SYNPO: variants seen among roughly 807,000 people sequenced by gnomAD.
The protein encoded by SYNPO is synaptopodin.
Under a neutral mutation model 49.5 loss-of-function variants are expected in SYNPO, and 19 were observed. That is an observed-to-expected ratio of 0.38 (90% CI 0.27 to 0.56). The LOEUF (loss-of-function observed/expected upper bound fraction) is 0.56. Among genes scored for constraint, SYNPO ranks in the 20% least tolerant of loss-of-function variants. The probability of loss-of-function intolerance (pLI) is 0.68; values close to 1 mark genes in which losing one functional copy is unlikely to be tolerated. For missense variants in SYNPO, 1,131 were observed against 1,248.3 expected, an observed-to-expected ratio of 0.91 and a Z score of 1.42; for synonymous variants, 536 against 548.0, an observed-to-expected ratio of 0.98 and a Z score of 0.31.
At chr5:150,617,115 A>C (rs985719601) in intron 1 of SYNPO, among the ~76,000 whole-genome samples, 2 of 152,088 alleles carry the variant, frequency 1.3e-5, no homozygotes, top group African/African-American at 4.8e-5. Context: ...CTCTGCGTGC[A>C]TTTTTTCATG....
In SYNPO at chr5:150,657,370, TCC is replaced by T; in HGVS notation, c.*286_*287del. On this transcript the variant is annotated 3_prime_UTR_variant, in exon 3 of 3. Transcript: ENST00000307662. Reference sequence around the variant, plus strand: ...CAAGGCAATCCACAAACGTCAAAATTCCCCTTCCCATCAGTACACACACCGAT... The same window carrying T: ...CAAGGCAATCCACAAACGTCAAAATTCCTTCCCATCAGTACACACACCGAT... The T allele has an allele frequency of 2.1e-6, 1 of 466,010 alleles. No individual in the cohort carries two copies. The highest frequency in any genetic ancestry group is 3.9e-6 in the Non-Finnish European group (1 of 256,706). 28.9% of individuals were successfully genotyped at this position (466,010 alleles called of 1,614,324 possible). A position where few individuals can be genotyped will look rare whatever the true frequency, so the allele number is the denominator to read the frequency against.
At chr5:150,625,183 C>T (rs998993528) in intron 2 of SYNPO, among the ~76,000 whole-genome samples, 3 of 152,188 alleles carry the variant, frequency 2.0e-5, no homozygotes, top group Admixed American at 2.0e-4. Flanking sequence ...TGCGTGGGGG[C>T]TCCAGCCCTT....
At chr5:150,609,895 AT>A in intron 1 of SYNPO, among the ~76,000 whole-genome samples, 1 of 151,250 alleles carries the variant, frequency 6.6e-6, no homozygotes, top group East Asian at 2.0e-4. Context: ...CTGAGCCCCC[AT>A]TTTCTGGTGT....
intron 1 of SYNPO, among the ~76,000 whole-genome samples, chr5:150,612,453 C>T (rs2151355121): frequency 6.6e-6 from 1 of 152,352 alleles, no homozygotes; most frequent in Non-Finnish European, 1.5e-5. Context: ...TCCTCTCTTT[C>T]ATTCGTTCAT....
rs1758659824 is a variant in SYNPO at position 150,658,833 on chromosome 5, C to T, written c.*1746C>T. The T allele has an allele frequency of 6.6e-6, 1 of 151,928 alleles. No homozygotes were observed. Among genetic ancestry groups the T allele is most frequent in the Non-Finnish European group, 1.5e-5 (1 of 68,036 alleles). The allele number at this position is 151,928 out of a possible 1,614,324, so 9.4% of individuals were successfully genotyped here. A position where few individuals can be genotyped will look rare whatever the true frequency, so the allele number is the denominator to read the frequency against. On this transcript the variant is annotated 3_prime_UTR_variant, in exon 3 of 3. Transcript: ENST00000307662. ...GAGGGCTCCTTGGGCCTCAGGAATG[C>T]TCCTGCTGCTGTGAAGATGAGAAGG...
intron 1 of SYNPO, among the ~76,000 whole-genome samples, chr5:150,605,376 T>C (rs1756662782): frequency 6.6e-6 from 1 of 152,082 alleles, no homozygotes; most frequent in Non-Finnish European, 1.5e-5. Flanking sequence ...GCAGGGATGG[T>C]ATGATGGTTC....
chr5:150,623,293 C>T (rs1757238519), intron 2 of SYNPO, among the ~76,000 whole-genome samples: 1 of 152,232 alleles, frequency 6.6e-6, no homozygotes. Context: ...CCCACTGTCA[C>T]ACACCTACGT....
chr5:150,624,677 TCA>T (rs1306534879), intron 2 of SYNPO: 4 of 242,098 alleles, frequency 1.7e-5, no homozygotes, highest in Non-Finnish European at 2.6e-5. Flanking sequence ...GGAGCACGGC[TCA>T]CCCGCCCGCC....
At chr5:150,626,720 G>A (rs1333508095) in intron 2 of SYNPO, among the ~76,000 whole-genome samples, 2 of 152,194 alleles carry the variant, frequency 1.3e-5, no homozygotes, top group East Asian at 1.9e-4. Context: ...AGGTTCTTCC[G>A]TGGCATTTTA....
At chr5:150,588,793 T>C in the SYNPO span, among the ~76,000 whole-genome samples, 2 of 152,090 alleles carry the variant, frequency 1.3e-5, no homozygotes, top group Admixed American at 1.3e-4. Flanking sequence ...TTTAAAGGTG[T>C]TCACACTTTT....
At chr5:150,609,629 C>A (rs1423343925) in intron 1 of SYNPO, among the ~76,000 whole-genome samples, 2 of 152,202 alleles carry the variant, frequency 1.3e-5, no homozygotes, top group East Asian at 1.9e-4. Flanking sequence ...GTCCTTGAAC[C>A]CTTTCTGCAA....
chr5:150,618,566 G>C lies in SYNPO; in HGVS notation c.199G>C (p.Asp67His), dbSNP rs6579797. Residue 67 changes from aspartate (D) to histidine (H), a missense_variant, in exon 2 of 3, where the codon GAC becomes CAC. Physicochemically the swap from Asp to His is moderately conservative, Grantham distance 81. Transcript: ENST00000394243. The stretch of plus-strand genomic sequence containing the variant: ...TGAGGGGGTCAGCAGGAGTGGGGAC[G>C]ACTCTGCCTGCAGAGTCACCCAGGG... The C allele has an allele frequency of 9.9e-5, 153 of 1,550,418 alleles. 1 individual carries two copies. The African/African-American group carries it at 1.9e-3, about 19-fold the overall frequency.
chr5:150,596,224 G>A (rs1377002403), upstream of SYNPO, among the ~76,000 whole-genome samples: 2 of 152,100 alleles, frequency 1.3e-5, no homozygotes, highest in African/African-American at 4.8e-5. Flanking sequence ...TCCTGGGGGA[G>A]GGGGTCACCC....
chr5:150,648,677 C>A lies in SYNPO; in HGVS notation c.402C>A (p.Pro134=), dbSNP rs1366357614. 6.2e-7 allele frequency: 1 copy of A among 1,614,220 alleles called. No homozygotes were observed. The highest frequency in any genetic ancestry group is 1.7e-5 in the Admixed American group (1 of 60,026). The change falls in exon 2 of 3, where the codon CCC becomes CCA. Residue 134 remains proline (P), a synonymous_variant. Coordinates refer to ENST00000307662, the MANE Select transcript of SYNPO (RefSeq NM_007286.6). This position sits in a 1 kb window ranked among gnomAD's most constrained non-coding sequence, Gnocchi z 5.0. ...PSNGTGPASK[P]STLCADGQPQ... ...ATGGCACAGGGCCTGCTTCCAAACC[C>A]AGCACCCTGTGTGCTGATGGGCAAC...
At chr5:150,624,240 T>C (rs909647751) in intron 2 of SYNPO, among the ~76,000 whole-genome samples, 1 of 152,136 alleles carries the variant, frequency 6.6e-6, no homozygotes, top group Admixed American at 6.5e-5. Context: ...GAGACAGTTA[T>C]TCTAGTTACT....
chr5:150,640,281 A>T, upstream of SYNPO: 3 of 619,360 alleles, frequency 4.8e-6, no homozygotes, highest in Non-Finnish European at 6.1e-6. Context: ...GGATTAGGGC[A>T]TGTAGAAAGG....
At chr5:150,653,079 T>C (rs1455812965) in intron 2 of SYNPO, 3 of 152,180 alleles carry the variant, frequency 2.0e-5, no homozygotes, top group South Asian at 2.1e-4. Context: ...TGGGGTTGGG[T>C]TGAGTGGATG....
In SYNPO at chr5:150,649,609, C is replaced by T. The variant is rs143457316; in HGVS notation, c.1334C>T (p.Ala445Val). 6.2e-5 allele frequency: 99 copies of T among 1,608,898 alleles called. No homozygotes were observed. In the African/African-American group the frequency reaches 1.1e-3, roughly 19 times the overall value. The change falls in exon 2 of 3, where the codon GCG (alanine) becomes GTG (valine). Residue 445 changes from alanine to valine, a missense_variant. Ala to Val is a moderately conservative substitution (Grantham distance 64). Around this residue, in one of 4 missense-constraint regions of SYNPO, gnomAD observed 602 missense variants for 720.7 expected, o/e 0.84. Coordinates refer to ENST00000307662, the MANE Select transcript of SYNPO (RefSeq NM_007286.6). ...CGTGACAGGGCCAGCCCCGCGGCGG[C>T]GGAGGAGGTGGTACCAGAGTGGGCC... ...APRDRASPAAAEEVVPEWASC... is the reference protein window; with the variant it reads ...APRDRASPAAVEEVVPEWASC...
upstream of SYNPO, among the ~76,000 whole-genome samples, chr5:150,599,523 G>C (rs911357028): frequency 6.6e-6 from 1 of 152,202 alleles, no homozygotes; most frequent in Non-Finnish European, 1.5e-5. Context: ...AGGGAATCCT[G>C]GTTGGAGGCC....
Sources: allele counts gnomAD v4.1 joint callset (sites outside exome capture counted in the v4.1 genomes callset), GRCh38; gene constraint gnomAD v4.1.1; regional missense constraint gnomAD v4.1.1; non-coding constraint Gnocchi (gnomAD v3.1); transcripts MANE v1.5; gene names NCBI Gene and HGNC (gene_info 2026-07-23, HGNC 2026-07-21).